Variants in ANK3 observed in about 807,000 individuals in gnomAD.
The protein encoded by ANK3 is ankyrin-3.
ANK3 carries 57 observed loss-of-function variants against 370.9 expected under a neutral mutation model. That is an observed-to-expected ratio of 0.15 (90% confidence interval 0.12 to 0.19). The LOEUF (loss-of-function observed/expected upper bound fraction) is 0.19. Among genes scored for constraint, ANK3 ranks in the 10% least tolerant of loss-of-function variants. The probability of loss-of-function intolerance (pLI) is 1.00; values close to 1 mark genes in which losing one functional copy is unlikely to be tolerated. For missense variants in ANK3, 4,439 were observed against 5,302.1 expected (o/e 0.84, Z 5.06); for synonymous variants, 1,929 against 1,946.3 (o/e 0.99, Z 0.23).
At chr10:60,140,399 CTGA>C in intron 23 of ANK3, 1 of 1,613,708 alleles carries the variant, frequency 6.2e-7, no homozygotes, top group South Asian at 1.1e-5. Flanking sequence ...AAATGTTTTC[CTGA>C]TGTTTCCAGG....
At chr10:60,413,854 G>T (rs1288131694) in intron 2 of ANK3, among the ~76,000 whole-genome samples, 1 of 152,028 alleles carries the variant, frequency 6.6e-6, no homozygotes, top group Non-Finnish European at 1.5e-5. Flanking sequence ...AAAATTAGCT[G>T]GGTGTGGTGG....
chr10:60,270,035 C>A, intron 5 of ANK3, 96 bp downstream of exon 5: 1 of 669,536 alleles, frequency 1.5e-6, no homozygotes, highest in East Asian at 2.9e-5. Context: ...TATAAAACTT[C>A]AATTGAAATA....
chr10:60,430,685 C>T (rs2063998717), intron 2 of ANK3, among the ~76,000 whole-genome samples: 2 of 152,102 alleles, frequency 1.3e-5, no homozygotes, highest in Non-Finnish European at 2.9e-5. Flanking sequence ...GCATAAAATA[C>T]ACACAGTCAA....
chr10:60,628,896 T>C (rs1259768153), intron 1 of ANK3, among the ~76,000 whole-genome samples: 1 of 152,206 alleles, frequency 6.6e-6, no homozygotes, highest in Non-Finnish European at 1.5e-5. Context: ...GTTAGGAATT[T>C]CAAAGTGATT....
At chr10:60,594,840 G>A (rs755926348) in intron 2 of ANK3, among the ~76,000 whole-genome samples, 1 of 152,022 alleles carries the variant, frequency 6.6e-6, no homozygotes, top group African/African-American at 2.4e-5. Flanking sequence ...TAGTCCTGCT[G>A]GTTGTGCCTG....
At chr10:60,309,694 T>C (rs1468474102) in intron 1 of ANK3, among the ~76,000 whole-genome samples, 1 of 152,122 alleles carries the variant, frequency 6.6e-6, no homozygotes, top group Non-Finnish European at 1.5e-5. Context: ...ATACTCTGTT[T>C]AAAATACTTG....
At chr10:60,187,014 T>C (rs2096355537) in intron 16 of ANK3, 102 bp from the exon 17 acceptor site, 4 of 1,156,888 alleles carry the variant, frequency 3.5e-6, no homozygotes, top group South Asian at 2.7e-5. Context: ...TTTTCTATGA[T>C]TGCTTAAGAA....
In ANK3 at chr10:60,177,630, C is replaced by T. The variant is rs188303125; in HGVS notation, c.2184+3699G>A. On this transcript the variant is annotated intron_variant, in intron 18 of 43. Transcript: ENST00000280772. ...TTTTTTTGTTTGAGATGGAGTCTCG[C>T]TCTGTCGCCCAGGCTGGAGTGCAGT... Among the ~76,000 whole-genome samples, 18 of 120,126 alleles carry T rather than the reference C, an allele frequency of 1.5e-4. No homozygotes were observed. In the East Asian group the frequency reaches 4.6e-3, roughly 31 times the overall value. The allele number at this position is 120,126 out of a possible 152,430, so 78.8% of individuals were successfully genotyped here. A position where few individuals can be genotyped will look rare whatever the true frequency, so the allele number is the denominator to read the frequency against.
intron 25 of ANK3, among the ~76,000 whole-genome samples, chr10:60,116,093 G>A (rs1044076391): frequency 3.3e-5 from 5 of 152,108 alleles, no homozygotes; most frequent in Non-Finnish European, 7.3e-5. Flanking sequence ...AATCCCCTCA[G>A]TTGTCAAATA....
intron 7 of ANK3, among the ~76,000 whole-genome samples, chr10:60,245,126 G>A (rs1022251873): frequency 2.0e-5 from 3 of 151,870 alleles, no homozygotes; most frequent in East Asian, 3.9e-4. Flanking sequence ...CCGAGATTGC[G>A]CCACTGCACT....
rs1442544 is a variant in ANK3, at chr10:60,601,172, C to G, written c.96+14014G>C. Among the ~76,000 whole-genome samples the G allele has an allele frequency of 5.5e-3, 805 of 147,168 alleles. 7 individuals carry two copies. The highest frequency in any genetic ancestry group is 0.014 in the African/African-American group (576 of 40,260). On this transcript the variant is annotated intron_variant, in intron 2 of 43. Coordinates refer to the ANK3 transcript ENST00000373827. Reference sequence around the variant, plus strand: ...ACAAAGTCATTAAACATTTATACAACGCACACACACACACACACACACACA... The same window carrying G: ...ACAAAGTCATTAAACATTTATACAAGGCACACACACACACACACACACACA...
intron 1 of ANK3, among the ~76,000 whole-genome samples, chr10:60,699,718 T>C (rs1164331817): frequency 6.6e-6 from 1 of 151,932 alleles, no homozygotes; most frequent in Non-Finnish European, 1.5e-5. Context: ...GAGAAGAAAA[T>C]GTAAAAGTTG....
intron 39 of ANK3, among the ~76,000 whole-genome samples, chr10:60,063,619 G>C (rs146146604): frequency 2.0e-5 from 3 of 152,332 alleles, no homozygotes; most frequent in African/African-American, 7.2e-5. Context: ...CTAGGGTCAA[G>C]TTGACACAGG....
At chr10:60,598,231 C>T (rs2078014320) in intron 2 of ANK3, among the ~76,000 whole-genome samples, 2 of 152,324 alleles carry the variant, frequency 1.3e-5, no homozygotes, top group Middle Eastern at 3.4e-3. Flanking sequence ...AATAATCAGA[C>T]AAGAGCCATA....
chr10:60,695,124 A>C (rs1156273515), intron 1 of ANK3, among the ~76,000 whole-genome samples: 1 of 151,934 alleles, frequency 6.6e-6, no homozygotes. Context: ...CAGACTTTAA[A>C]CCAACAAAGA....
intron 42 of ANK3, among the ~76,000 whole-genome samples, chr10:60,052,652 C>G (rs79706506): frequency 0.016 from 2,362 of 152,196 alleles, 34 homozygotes; most frequent in Non-Finnish European, 0.025. Flanking sequence ...ATATCTTTAG[C>G]TTTCACTTAG....
intron 36 of ANK3, 96 bp from the exon 37 acceptor site, chr10:60,076,544 T>C (rs2083870532): frequency 7.0e-7 from 1 of 1,422,816 alleles, no homozygotes; most frequent in African/African-American, 1.4e-5. Flanking sequence ...CAGTAAACTT[T>C]GAAATATTAC....
At chr10:60,493,058 C>T (rs866718736) in intron 2 of ANK3, among the ~76,000 whole-genome samples, 11 of 134,674 alleles carry the variant, frequency 8.2e-5, no homozygotes, top group Admixed American at 2.5e-4. Flanking sequence ...CCAGCCTGGG[C>T]GACAGAGCGA....
intron 1 of ANK3, among the ~76,000 whole-genome samples, chr10:60,342,012 G>A (rs565504676): frequency 1.3e-5 from 2 of 152,192 alleles, no homozygotes; most frequent in African/African-American, 2.4e-5. Flanking sequence ...GTTTGGAAGC[G>A]AACCAAATTT....
Sources: gnomAD v4.1 joint callset for allele counts (sites outside exome capture counted in the v4.1 genomes callset) on GRCh38, gnomAD v4.1.1 for gene constraint, MANE v1.5 for transcripts, NCBI Gene and HGNC (gene_info 2026-07-23, HGNC 2026-07-21) for gene names.